Variants in GRID1 observed in about 807,000 individuals in gnomAD.
The protein encoded by GRID1 is glutamate ionotropic receptor delta type subunit 1.
In GRID1, 28 loss-of-function variants were observed where a neutral mutation model predicts 98.0. That is an observed-to-expected ratio of 0.29 (90% CI 0.21 to 0.39). GRID1 has a LOEUF of 0.39. GRID1 is among the 10% of genes least tolerant of loss of function. The pLI is 1.00. For missense variants in GRID1, 1,111 were observed against 1,340.5 expected (o/e 0.83, Z 2.67); for synonymous variants, 553 against 538.5 (o/e 1.03, Z -0.37).
chr10:86,202,778 G>A (rs1008415238), intron 3 of GRID1, among the ~76,000 whole-genome samples: 30 of 152,162 alleles, frequency 2.0e-4, no homozygotes, highest in African/African-American at 7.0e-4. Flanking sequence ...GACATTCCAG[G>A]GTTTAAAGGG....
At chr10:86,125,084 G>A (rs955274905) in intron 4 of GRID1, among the ~76,000 whole-genome samples, 1 of 152,230 alleles carries the variant, frequency 6.6e-6, no homozygotes, top group Non-Finnish European at 1.5e-5. Flanking sequence ...ATGCAGTAAT[G>A]CCTGAGCACT....
intron 3 of GRID1, among the ~76,000 whole-genome samples, chr10:86,191,283 G>A (rs1243317848): frequency 6.6e-6 from 1 of 152,142 alleles, no homozygotes; most frequent in Non-Finnish European, 1.5e-5. Context: ...AAGGAGAAGA[G>A]AGGAAACTTC....
rs768416948 is a variant in GRID1 at position 85,602,443 on chromosome 10, G to A, written c.2860C>T (p.Pro954Ser). Residue 954 changes from proline to serine, a missense_variant, in exon 16 of 16, where the codon CCG becomes TCG. Around this residue, in one of 3 missense-constraint regions of GRID1, gnomAD observed 762 missense variants for 869.1 expected, o/e 0.88. Transcript: ENST00000327946. ...GGCATGGTCGCCGAGCTGCTCAGCGGCAGCGGCAGGTTGCTGCTGGGCCCT... is the reference window on the plus strand; with the variant it reads ...GGCATGGTCGCCGAGCTGCTCAGCGACAGCGGCAGGTTGCTGCTGGGCCCT... ...SSGPSSNLPL[P>S]LSSSATMPSM... 1 of 1,614,036 alleles carries A rather than the reference G, an allele frequency of 6.2e-7. No homozygotes were observed. The highest frequency in any genetic ancestry group is 1.3e-5 in the African/African-American group (1 of 74,950).
At chr10:85,705,792 C>G (rs976790040) in intron 12 of GRID1, among the ~76,000 whole-genome samples, 4 of 152,142 alleles carry the variant, frequency 2.6e-5, no homozygotes, top group Admixed American at 2.6e-4. Flanking sequence ...CCCTGGGATG[C>G]AAGGCTGGTT....
intron 2 of GRID1, among the ~76,000 whole-genome samples, chr10:86,330,360 C>T (rs1387464972): frequency 6.6e-6 from 1 of 152,220 alleles, no homozygotes; most frequent in Non-Finnish European, 1.5e-5. Flanking sequence ...GTCCTGGCCA[C>T]CCCACAAGTT....
intron 3 of GRID1, among the ~76,000 whole-genome samples, chr10:86,170,906 C>T (rs539140752): frequency 1.3e-5 from 2 of 152,268 alleles, no homozygotes; most frequent in African/African-American, 4.8e-5. Flanking sequence ...CTCCTCTACA[C>T]TCAAGTCAAG....
Position 85,952,054 on chromosome 10 carries a change from TAAACATTCCATCTTCCC to T in GRID1, c.727-35832_727-35816del, listed in dbSNP as rs1589311054. ...TTCTAAGGAACACTATCCGAAGCAC[TAAACATTCCATCTTCCC>T]AAACAAACCTTTCAAAAACAAGACT... On this transcript the variant is annotated intron_variant, in intron 4 of 15. Transcript: ENST00000327946. Among the ~76,000 whole-genome samples the T allele has an allele frequency of 2.0e-5, 3 of 152,356 alleles. No individual in the cohort carries two copies. The East Asian group carries it at 5.8e-4, about 29-fold the overall frequency.
chr10:86,240,845 A>G (rs1846617129), intron 2 of GRID1, among the ~76,000 whole-genome samples: 1 of 152,186 alleles, frequency 6.6e-6, no homozygotes, highest in East Asian at 1.9e-4. Context: ...CTCCAGAGAT[A>G]GCAGCATGGG....
chr10:85,885,817 A>G (rs915840081), intron 5 of GRID1, among the ~76,000 whole-genome samples: 4 of 152,264 alleles, frequency 2.6e-5, no homozygotes, highest in African/African-American at 9.6e-5. Context: ...GGAATAAGTT[A>G]CAGAGTGATA....
rs148059810 is a variant in GRID1, at chr10:86,145,244, CAG to C, written c.521-6222_521-6221del. Reference sequence around the variant, plus strand: ...TGGTCCTAACAGCATTTTTTTGAGACAGAGTCTCGCTCTTGTTGCCCAGGCTG... The same window carrying C: ...TGGTCCTAACAGCATTTTTTTGAGACAGTCTCGCTCTTGTTGCCCAGGCTG... On this transcript the variant is annotated intron_variant, in intron 3 of 15. Transcript: ENST00000327946. Among the ~76,000 whole-genome samples the C allele has an allele frequency of 4.5e-3, 692 of 152,222 alleles. 20 individuals carry two copies. In the East Asian group the frequency reaches 0.08, roughly 18 times the overall value.
chr10:86,363,767 C>T (rs1848636217), intron 2 of GRID1, among the ~76,000 whole-genome samples, 174 bp downstream of exon 2: 1 of 152,238 alleles, frequency 6.6e-6, no homozygotes, highest in Admixed American at 6.5e-5. Flanking sequence ...AGAGCAGTCC[C>T]GGCGCCGCTG....
At chr10:86,178,973 C>A (rs1007348447) in intron 3 of GRID1, among the ~76,000 whole-genome samples, 3 of 152,148 alleles carry the variant, frequency 2.0e-5, no homozygotes, top group African/African-American at 7.2e-5. Context: ...CAGCTGCACA[C>A]TCCTGGGGCT....
chr10:85,645,067 C>CCCCT (rs1843168409), intron 13 of GRID1, among the ~76,000 whole-genome samples: 1 of 152,162 alleles, frequency 6.6e-6, no homozygotes, highest in Non-Finnish European at 1.5e-5. Context: ...TTGTAAACAT[C>CCCCT]CCCTCCCAGT....
At chr10:85,905,732 G>A (rs1012959346) in intron 5 of GRID1, among the ~76,000 whole-genome samples, 2 of 151,884 alleles carry the variant, frequency 1.3e-5, no homozygotes, top group African/African-American at 4.8e-5. Flanking sequence ...TAAATCCTAA[G>A]CAACTACTAA....
At chr10:86,018,603 G>A (rs1331067719) in intron 4 of GRID1, among the ~76,000 whole-genome samples, 1 of 152,154 alleles carries the variant, frequency 6.6e-6, no homozygotes, top group African/African-American at 2.4e-5. Flanking sequence ...AGGTGCCCAC[G>A]CCTTCCAGAG....
intron 2 of GRID1, among the ~76,000 whole-genome samples, chr10:86,302,641 C>T (rs975322803): frequency 1.3e-5 from 2 of 152,200 alleles, no homozygotes; most frequent in African/African-American, 4.8e-5. Flanking sequence ...CAACTTCCAG[C>T]TTGCAGGCAA....
intron 4 of GRID1, among the ~76,000 whole-genome samples, chr10:86,097,145 G>A (rs1441607104): frequency 3.3e-5 from 5 of 152,170 alleles, no homozygotes; most frequent in Admixed American, 6.5e-5. Flanking sequence ...AAGACCTTCA[G>A]ACTTGGACTG....
intron 8 of GRID1, among the ~76,000 whole-genome samples, chr10:85,783,971 C>A (rs1002771162): frequency 6.6e-6 from 1 of 152,102 alleles, no homozygotes; most frequent in Admixed American, 6.5e-5. Context: ...CATCAGGGGG[C>A]CCAGGGCCTT....
intron 4 of GRID1, among the ~76,000 whole-genome samples, chr10:85,946,001 A>C (rs182745860): frequency 2.0e-4 from 30 of 152,336 alleles, no homozygotes; most frequent in African/African-American, 7.0e-4. Context: ...GGACAGATAA[A>C]ATATGTTTAA....
Sources: allele counts gnomAD v4.1 joint callset (sites outside exome capture counted in the v4.1 genomes callset), GRCh38; gene constraint gnomAD v4.1.1; regional missense constraint gnomAD v4.1.1; transcripts MANE v1.5; gene names NCBI Gene and HGNC (gene_info 2026-07-23, HGNC 2026-07-21).